Variants in IKZF2 observed in about 807,000 individuals in gnomAD.
IKZF2 encodes the protein IKAROS family zinc finger 2, also known as zinc finger protein Helios.
IKZF2 carries 15 observed loss-of-function variants against 49.2 expected under a neutral mutation model. The observed-to-expected ratio is 0.30, with a 90% CI of 0.20 to 0.47. IKZF2 has a LOEUF of 0.47. Among genes scored for constraint, IKZF2 ranks in the 20% least tolerant of loss-of-function variants. The pLI, the probability that IKZF2 is intolerant of heterozygous loss-of-function variation, is 1.00. For missense variants in IKZF2, 567 were observed against 664.6 expected (o/e 0.85, Z 1.61); for synonymous variants, 227 against 221.4 (o/e 1.03, Z -0.23).
At position 213,070,663 on chromosome 2, in the gene IKZF2, T is replaced by C. The variant is rs141547407; in HGVS notation, c.140-13564A>G. On this transcript the variant is annotated intron_variant, in intron 4 of 8. Coordinates refer to ENST00000434687, the MANE Select transcript of IKZF2 (RefSeq NM_001387220.1). ...GACAGGCTTATAGTCTGGTTGGGGA[T>C]ACAGACAAACCTAACAAGGTAAGCA... Among the ~76,000 whole-genome samples, 4 of 152,252 alleles carry C rather than the reference T, an allele frequency of 2.6e-5. No individual in the cohort carries two copies. In the East Asian group the frequency reaches 7.7e-4, roughly 29 times the overall value.
rs950986152 is a variant in IKZF2, at chr2:213,133,654, C to T, written c.139+14054G>A. Among the ~76,000 whole-genome samples the T allele has an allele frequency of 7.9e-5, 12 of 151,542 alleles. 1 individual carries two copies. The South Asian group carries it at 2.1e-3, about 26-fold the overall frequency. On this transcript the variant is annotated intron_variant, in intron 4 of 8. Coordinates refer to ENST00000434687, the MANE Select transcript of IKZF2 (RefSeq NM_001387220.1). Reference sequence around the variant, plus strand: ...GCGAAGGTTGCAGTGGAGCCGAGATCGCACCACCGCACTCTAGCCTGGGCG... The same window carrying T: ...GCGAAGGTTGCAGTGGAGCCGAGATTGCACCACCGCACTCTAGCCTGGGCG...
intron 4 of IKZF2, among the ~76,000 whole-genome samples, chr2:213,129,294 A>C (rs2060387211): frequency 6.7e-6 from 1 of 149,004 alleles, no homozygotes; most frequent in Non-Finnish European, 1.5e-5. Flanking sequence ...GGATAATGTC[A>C]TAGAATGCCT....
In IKZF2 at chr2:213,005,621, C is replaced by T. The variant is rs1695281726; in HGVS notation, c.*1739G>A. On this transcript the variant is annotated 3_prime_UTR_variant, in exon 9 of 9. Transcript: ENST00000434687. ...TTTAATGATCCTTTAGAGCAGTTAT[C>T]AGTTACTGCCTAACAGAATTTCAGT... The T allele has an allele frequency of 6.6e-6, 1 of 152,002 alleles. No homozygotes were observed. Among genetic ancestry groups the T allele is most frequent in the Non-Finnish European group, 1.5e-5 (1 of 67,970 alleles). 9.4% of individuals were successfully genotyped at this position (152,002 alleles called of 1,614,324 possible). A position where few individuals can be genotyped will look rare whatever the true frequency, so the allele number is the denominator to read the frequency against.
chr2:213,062,364 T>C (rs1191906038), intron 4 of IKZF2, among the ~76,000 whole-genome samples: 2 of 151,676 alleles, frequency 1.3e-5, no homozygotes, highest in Non-Finnish European at 3.0e-5. Flanking sequence ...GGATTATGAT[T>C]TATTTTCTCT....
intron 4 of IKZF2, among the ~76,000 whole-genome samples, chr2:213,096,558 A>G (rs1706022030): frequency 6.6e-6 from 1 of 152,012 alleles, no homozygotes. Context: ...CTTCAACAGC[A>G]TAATTTTTAA....
At chr2:213,033,105 T>G (rs1313847062) in intron 6 of IKZF2, among the ~76,000 whole-genome samples, 2 of 152,234 alleles carry the variant, frequency 1.3e-5, no homozygotes, top group Non-Finnish European at 2.9e-5. Context: ...AGATTCGATC[T>G]CAAGAAACCA....
At chr2:213,026,713 A>G (rs1697856428) in intron 6 of IKZF2, among the ~76,000 whole-genome samples, 1 of 152,060 alleles carries the variant, frequency 6.6e-6, no homozygotes, top group Non-Finnish European at 1.5e-5. Flanking sequence ...TTTTTAATGC[A>G]TGCAAAGATA....
rs1705173859 is a variant in IKZF2, at chr2:213,090,419, A to C, written c.140-33320T>G. ...TCTTTTCCTCTAACATTTCTAAAGG[A>C]GACTAAACAAACATGGTCTTTTCTG... On this transcript the variant is annotated intron_variant, in intron 4 of 8. Transcript: ENST00000434687. 2.0e-5 allele frequency among the ~76,000 whole-genome samples: 3 copies of C among 152,206 alleles called. No homozygotes were observed. In the South Asian group the frequency reaches 6.2e-4, roughly 32 times the overall value.
chr2:213,096,065 G>GAGGT (rs1274356003), intron 4 of IKZF2, among the ~76,000 whole-genome samples: 1 of 151,906 alleles, frequency 6.6e-6, no homozygotes, highest in African/African-American at 2.4e-5. Context: ...GAGCCTAGAA[G>GAGGT]AGGTACTGGA....
At chr2:213,084,483 T>C (rs1243104045) in intron 4 of IKZF2, among the ~76,000 whole-genome samples, 1 of 152,134 alleles carries the variant, frequency 6.6e-6, no homozygotes, top group Non-Finnish European at 1.5e-5. Context: ...ATTTTTATTA[T>C]GGCTTTGGGG....
At position 213,100,149 on chromosome 2, in the gene IKZF2, G is replaced by T. The variant is rs558782863; in HGVS notation, c.140-43050C>A. 3.3e-5 allele frequency among the ~76,000 whole-genome samples: 5 copies of T among 152,132 alleles called. No individual in the cohort carries two copies. In the East Asian group the frequency reaches 9.7e-4, roughly 29 times the overall value. Reference sequence around the variant, plus strand: ...ATCCTTCTGTGGGAAGGACCAATTGGTTTTTTAAATTTCTAATTCATCACA... The same window carrying T: ...ATCCTTCTGTGGGAAGGACCAATTGTTTTTTTAAATTTCTAATTCATCACA... On this transcript the variant is annotated intron_variant, in intron 4 of 8. Transcript: ENST00000434687.
At position 213,140,207 on chromosome 2, in the gene IKZF2, T is replaced by C. The variant is rs191816941; in HGVS notation, c.139+7501A>G. Among the ~76,000 whole-genome samples, 190 of 152,108 alleles carry C rather than the reference T, an allele frequency of 1.2e-3. 1 individual carries two copies. The highest frequency in any genetic ancestry group is 4.1e-3 in the African/African-American group (169 of 41,566). On this transcript the variant is annotated intron_variant, in intron 4 of 8. Transcript: ENST00000434687. ...TGGAATTCTATGGTGTCTTGGGTAG[T>C]CAGCGCTTACATTTTTAAGATGGAA...
At position 213,007,755 on chromosome 2, in the gene IKZF2, T is replaced by C; in HGVS notation, c.1186A>G (p.Arg396Gly). 1.9e-6 allele frequency: 3 copies of C among 1,613,706 alleles called. No homozygotes were observed. Among genetic ancestry groups the C allele is most frequent in the Non-Finnish European group, 2.5e-6 (3 of 1,179,758 alleles). ...CAGCTATTGCTGGGAGAGGCCTCTC[T>C]TTCCTGGGGTCGACTCTTTGGTCTG... ...LIRPKSRPQE[R>G]EASPSNSCLD... Residue 396 changes from arginine (R) to glycine (G), a missense_variant, in exon 9 of 9, where the codon AGA becomes GGA. Transcript: ENST00000434687.
chr2:213,016,120 C>T (rs34613499), intron 7 of IKZF2, among the ~76,000 whole-genome samples: 17,348 of 151,982 alleles, frequency 0.11, 1,275 homozygotes, highest in South Asian at 0.26. Flanking sequence ...TTGTTTCTAC[C>T]ACATCGGCAA....
chr2:213,016,825 T>G (rs377749872), intron 7 of IKZF2: 3 of 152,108 alleles, frequency 2.0e-5, no homozygotes, highest in Non-Finnish European at 4.4e-5. Flanking sequence ...AAATTCAAAT[T>G]CCAAGTCTGA....
At chr2:213,095,119 G>A (rs921187899) in intron 4 of IKZF2, among the ~76,000 whole-genome samples, 4 of 152,050 alleles carry the variant, frequency 2.6e-5, no homozygotes, top group Non-Finnish European at 4.4e-5. Context: ...AGACTTTGGG[G>A]AAAACTATGC....
At chr2:213,123,962 T>A (rs145220670) in intron 4 of IKZF2, among the ~76,000 whole-genome samples, 2 of 151,678 alleles carry the variant, frequency 1.3e-5, no homozygotes, top group African/African-American at 4.8e-5. Flanking sequence ...GCAGTGACAT[T>A]TCAGACAGGC....
At chr2:213,008,190 A>G in intron 8 of IKZF2, 106 bp from the exon 9 acceptor site, 1 of 1,266,582 alleles carries the variant, frequency 7.9e-7, no homozygotes, top group South Asian at 1.6e-5. Context: ...GATTGCCTCC[A>G]TTTTTCATAA....
chr2:213,055,729 T>C (rs1469087686), intron 5 of IKZF2, among the ~76,000 whole-genome samples: 2 of 152,092 alleles, frequency 1.3e-5, no homozygotes, highest in Admixed American at 6.6e-5. Flanking sequence ...TAAGGGATAA[T>C]GGACAAATCA....
Sources: allele counts gnomAD v4.1 joint callset (sites outside exome capture counted in the v4.1 genomes callset), GRCh38; gene constraint gnomAD v4.1.1; transcripts MANE v1.5; gene names NCBI Gene and HGNC (gene_info 2026-07-23, HGNC 2026-07-21).